TOR1AIP1: variants seen among roughly 807,000 people sequenced by gnomAD.
The protein encoded by TOR1AIP1 is torsin-1A-interacting protein 1.
A neutral mutation model predicts 63.3 loss-of-function variants in TOR1AIP1; 54 were observed. The ratio of observed to expected loss-of-function variants is 0.85; its 90% CI spans 0.69 to 1.07. The LOEUF (loss-of-function observed/expected upper bound fraction) is 1.07. Among genes scored for constraint, TOR1AIP1 ranks in the 50% least tolerant of loss-of-function variants. TOR1AIP1 has a pLI of 0.00. For missense variants in TOR1AIP1, 736 were observed against 715.0 expected (o/e 1.03, Z -0.33); for synonymous variants, 294 against 273.5 (o/e 1.07, Z -0.74).
At chr1:179,917,354 C>G (rs1571740522) in intron 9 of TOR1AIP1, 98 bp from the exon 10 acceptor site, 1 of 991,252 alleles carries the variant, frequency 1.0e-6, no homozygotes, top group Non-Finnish European at 1.5e-6. Flanking sequence ...CCTCTTTTAC[C>G]TAATGTTTAT....
chr1:179,907,591 CTTTATATATATATATATATATATA>C (rs1280573490), intron 6 of TOR1AIP1, among the ~76,000 whole-genome samples: 9 of 133,724 alleles, frequency 6.7e-5, no homozygotes, highest in Admixed American at 2.2e-4. Flanking sequence ...TACACACACA[CTTTATATATATATATATATATATA>C]TATGTATATA....
chr1:179,917,091 GTATTTTAA>G (rs1649042450), intron 9 of TOR1AIP1, among the ~76,000 whole-genome samples: 3 of 152,084 alleles, frequency 2.0e-5, no homozygotes, highest in African/African-American at 7.2e-5. Flanking sequence ...TTTATAAATT[GTATTTTAA>G]TAGTCTATTC....
chr1:179,901,233 G>T (rs1309118910), intron 4 of TOR1AIP1, 69 bp from the exon 5 acceptor site: 4 of 1,060,442 alleles, frequency 3.8e-6, no homozygotes, highest in African/African-American at 1.6e-5. Context: ...TATTTGCTTG[G>T]TTTTTTTAAA....
chr1:179,883,963 CGGA>C (rs1193450128), intron 1 of TOR1AIP1: 1 of 208,940 alleles, frequency 4.8e-6, no homozygotes, highest in Non-Finnish European at 1.0e-5. Flanking sequence ...TATTGATAGG[CGGA>C]GGAGTGGGTT....
intron 3 of TOR1AIP1, among the ~76,000 whole-genome samples, chr1:179,891,283 G>A (rs1373128039): frequency 6.6e-6 from 1 of 152,102 alleles, no homozygotes; most frequent in Non-Finnish European, 1.5e-5. Context: ...GTACCGTGGT[G>A]CGATCTCGGC....
intron 9 of TOR1AIP1, 67 bp from the exon 10 acceptor site, chr1:179,917,385 A>G (rs1649053447): frequency 7.3e-7 from 1 of 1,366,256 alleles, no homozygotes; most frequent in Non-Finnish European, 1.0e-6. Context: ...ATTGATTTTA[A>G]AAGTCACTTG....
chr1:179,904,149 A>AG, intron 6 of TOR1AIP1, 127 bp downstream of exon 6: 1 of 671,548 alleles, frequency 1.5e-6, no homozygotes, highest in East Asian at 3.0e-5. Context: ...CTAAAAAAAA[A>AG]CTTATCCGAT....
intron 3 of TOR1AIP1, among the ~76,000 whole-genome samples, chr1:179,895,717 T>G (rs1648244936): frequency 3.3e-5 from 5 of 152,182 alleles, no homozygotes; most frequent in Admixed American, 3.3e-4. Flanking sequence ...CTGGCCAACA[T>G]GGCGAAACCC....
In TOR1AIP1 at chr1:179,882,538, G is replaced by A; in HGVS notation, c.36G>A (p.Arg12=). The change falls in exon 1 of 10, where the codon CGG becomes CGA. Residue 12 remains arginine, a synonymous_variant. Coordinates refer to ENST00000606911, the MANE Select transcript of TOR1AIP1 (RefSeq NM_015602.4). ...AGDGRRAEAV[R]EGWGVYVTPR... ...ACGGGCGGCGGGCAGAGGCGGTGCGGGAAGGATGGGGTGTGTACGTCACCC... is the reference window on the plus strand; with the variant it reads ...ACGGGCGGCGGGCAGAGGCGGTGCGAGAAGGATGGGGTGTGTACGTCACCC... The A allele has an allele frequency of 1.4e-6, 2 of 1,478,676 alleles. No homozygotes were observed. Among genetic ancestry groups the A allele is most frequent in the South Asian group, 1.4e-5 (1 of 70,382 alleles). The allele number at this position is 1,478,676 out of a possible 1,614,324, so 91.6% of individuals were successfully genotyped here. A position where few individuals can be genotyped will look rare whatever the true frequency, so the allele number is the denominator to read the frequency against.
In TOR1AIP1 at chr1:179,909,332, A is replaced by G. The variant is rs534582818; in HGVS notation, c.907+659A>G. ...TTGTATACTCATAATTTTACATAAT[A>G]AAGGCTGAAATGCACAAGTTATATT... On this transcript the variant is annotated intron_variant, in intron 8 of 9. Transcript: ENST00000606911. 5.3e-5 allele frequency among the ~76,000 whole-genome samples: 8 copies of G among 152,220 alleles called. 1 individual carries two copies. The highest frequency in any genetic ancestry group is 1.2e-4 in the Non-Finnish European group (8 of 68,042).
chr1:179,882,986 C>T lies in TOR1AIP1; in HGVS notation c.475+9C>T. On this transcript the variant is annotated intron_variant, in intron 1 of 9. Transcript: ENST00000606911. ...CTCTCATTCCTCTGAAGGTGAGGAC[C>T]GCGGAGGTAACAGTCCCAGCCGCGA... The T allele has an allele frequency of 1.9e-6, 3 of 1,602,672 alleles. No individual in the cohort carries two copies. Among genetic ancestry groups the T allele is most frequent in the Non-Finnish European group, 2.6e-6 (3 of 1,175,392 alleles).
In TOR1AIP1 at chr1:179,918,645, G is replaced by A. The variant is rs778699559; in HGVS notation, c.*406G>A. The A allele has an allele frequency of 1.2e-5, 2 of 166,214 alleles. No homozygotes were observed. Among genetic ancestry groups the A allele is most frequent in the Non-Finnish European group, 2.6e-5 (2 of 76,766 alleles). 10.3% of individuals were successfully genotyped at this position (166,214 alleles called of 1,614,324 possible). A position where few individuals can be genotyped will look rare whatever the true frequency, so the allele number is the denominator to read the frequency against. On this transcript the variant is annotated 3_prime_UTR_variant, in exon 10 of 10. Coordinates refer to ENST00000606911, the MANE Select transcript of TOR1AIP1 (RefSeq NM_015602.4). ...TAAGATTGCTCCCTAAATGTAACCA[G>A]GGATTTTCCCATTATGTTCCCTTTT...
At chr1:179,893,997 C>G (rs893299601) in intron 3 of TOR1AIP1, among the ~76,000 whole-genome samples, 2 of 152,130 alleles carry the variant, frequency 1.3e-5, no homozygotes, top group African/African-American at 4.8e-5. Context: ...GGCACGGTGG[C>G]TCACACCTGT....
At chr1:179,911,879 A>C (rs978740772) in intron 8 of TOR1AIP1, among the ~76,000 whole-genome samples, 1 of 151,876 alleles carries the variant, frequency 6.6e-6, no homozygotes, top group African/African-American at 2.4e-5. Flanking sequence ...ATCAATAGCA[A>C]CTATGGAGGA....
At chr1:179,900,087 TTA>T in intron 3 of TOR1AIP1, 37 bp from the exon 4 acceptor site, 1 of 1,514,156 alleles carries the variant, frequency 6.6e-7, no homozygotes. Flanking sequence ...ACTTTTGATG[TTA>T]TATGTTTAAT....
chr1:179,913,315 A>T (rs524166), intron 8 of TOR1AIP1, among the ~76,000 whole-genome samples: 141,963 of 152,110 alleles, frequency 0.93, 66,351 homozygotes, highest in Middle Eastern at 0.97. Context: ...GACAGAGTTG[A>T]GAGAAAATTA....
intron 2 of TOR1AIP1, among the ~76,000 whole-genome samples, chr1:179,885,631 G>C (rs1180739050): frequency 6.6e-6 from 1 of 152,096 alleles, no homozygotes; most frequent in African/African-American, 2.4e-5. Context: ...TTATTTACCT[G>C]TTTCTAATAA....
At position 179,919,082 on chromosome 1, in the gene TOR1AIP1, G is replaced by C. The variant is rs1649112038; in HGVS notation, c.*843G>C. 6.6e-6 allele frequency: 1 copy of C among 152,186 alleles called. No individual in the cohort carries two copies. The highest frequency in any genetic ancestry group is 2.4e-5 in the African/African-American group (1 of 41,412). The allele number at this position is 152,186 out of a possible 1,614,324, so 9.4% of individuals were successfully genotyped here. On this transcript the variant is annotated 3_prime_UTR_variant, in exon 10 of 10. Coordinates refer to ENST00000606911, the MANE Select transcript of TOR1AIP1 (RefSeq NM_015602.4). Reference sequence around the variant, plus strand: ...AGTTCAAGACCAGCCTGGCCAACATGGTGAAACCCCGTCTCTACTAAAAAT... The same window carrying C: ...AGTTCAAGACCAGCCTGGCCAACATCGTGAAACCCCGTCTCTACTAAAAAT...
chr1:179,889,042 ATTTC>A (rs1412043892), intron 2 of TOR1AIP1, among the ~76,000 whole-genome samples: 1 of 152,180 alleles, frequency 6.6e-6, no homozygotes, highest in Admixed American at 6.5e-5. Flanking sequence ...TTTATTTAGT[ATTTC>A]TTTCCTTCCT....
Sources: allele counts gnomAD v4.1 joint callset (sites outside exome capture counted in the v4.1 genomes callset), GRCh38; gene constraint gnomAD v4.1.1; transcripts MANE v1.5; gene names NCBI Gene and HGNC (gene_info 2026-07-23, HGNC 2026-07-21).